The following PHF3 variants were observed in gnomAD, a reference collection of about 807,000 sequenced individuals.
PHF3 encodes PHD finger protein 3.
PHF3 carries 41 observed loss-of-function variants against 178.4 expected under a neutral mutation model. That is an observed-to-expected ratio of 0.23 (90% CI 0.18 to 0.30). PHF3 has a LOEUF of 0.30. Among genes scored for constraint, PHF3 ranks in the 10% least tolerant of loss-of-function variants. PHF3 has a pLI of 1.00. For missense variants in PHF3, 2,346 were observed against 2,398.1 expected (o/e 0.98, Z 0.45); for synonymous variants, 842 against 800.5 (o/e 1.05, Z -0.88).
intron 7 of PHF3, 37 bp from the exon 8 acceptor site, chr6:63,698,412 T>C: frequency 6.3e-7 from 1 of 1,586,216 alleles, no homozygotes. Flanking sequence ...TTATGCTTTA[T>C]ACATTTGAAA....
At chr6:63,649,878 A>G (rs1384239693) in intron 2 of PHF3, among the ~76,000 whole-genome samples, 1 of 152,204 alleles carries the variant, frequency 6.6e-6, no homozygotes, top group East Asian at 1.9e-4. Flanking sequence ...TAGTGAATAT[A>G]CTGTTTATAT....
intron 2 of PHF3, among the ~76,000 whole-genome samples, chr6:63,673,116 AT>A (rs1273815743): frequency 5.6e-4 from 82 of 145,728 alleles, no homozygotes; most frequent in Admixed American, 6.2e-4. Flanking sequence ...TATGCTTGGG[AT>A]TTTTTTTTTT....
intron 2 of PHF3, among the ~76,000 whole-genome samples, chr6:63,650,310 T>TA (rs1367867703): frequency 2.0e-5 from 3 of 151,718 alleles, no homozygotes; most frequent in East Asian, 1.9e-4. Context: ...TTCACTTAAT[T>TA]AAAAAAAAAT....
chr6:63,694,517 C>T (rs773588904), intron 5 of PHF3, 64 bp from the exon 6 acceptor site: 47 of 1,122,394 alleles, frequency 4.2e-5, no homozygotes, highest in Non-Finnish European at 5.1e-5. Flanking sequence ...TATTTTTGTA[C>T]GTCTTAAAAA....
chr6:63,667,747 A>G (rs548274271), intron 2 of PHF3, among the ~76,000 whole-genome samples: 1 of 152,306 alleles, frequency 6.6e-6, no homozygotes, highest in East Asian at 1.9e-4. Context: ...GGTAAGACCA[A>G]ATGTCTCTTA....
At chr6:63,700,859 G>A (rs566222522) in intron 9 of PHF3, among the ~76,000 whole-genome samples, 30 of 152,264 alleles carry the variant, frequency 2.0e-4, no homozygotes, top group Admixed American at 4.6e-4. Flanking sequence ...GGGGATTACA[G>A]GCATGAGCCA....
chr6:63,673,302 T>C (rs1766003851), intron 2 of PHF3, among the ~76,000 whole-genome samples: 1 of 152,106 alleles, frequency 6.6e-6, no homozygotes, highest in African/African-American at 2.4e-5. Context: ...TGTTTTTAAA[T>C]AAAATTTTCC....
At chr6:63,668,723 AT>A (rs989791340) in intron 2 of PHF3, among the ~76,000 whole-genome samples, 34 of 151,546 alleles carry the variant, frequency 2.2e-4, no homozygotes, top group African/African-American at 4.8e-4. Context: ...AGATGCTCAA[AT>A]TTTTTTTTAA....
intron 11 of PHF3, among the ~76,000 whole-genome samples, chr6:63,704,821 A>G (rs1483939619): frequency 2.0e-5 from 3 of 152,070 alleles, no homozygotes; most frequent in Admixed American, 6.6e-5. Context: ...CCTCCAAACT[A>G]TTTTTCACAG....
intron 2 of PHF3, among the ~76,000 whole-genome samples, chr6:63,649,397 T>C (rs1403967857): frequency 1.3e-5 from 2 of 152,190 alleles, no homozygotes; most frequent in Non-Finnish European, 2.9e-5. Flanking sequence ...GCTGTTTTCA[T>C]TGAAGCTAAG....
At position 63,713,467 on chromosome 6, in the gene PHF3, A is replaced by G. The variant is rs750299239; in HGVS notation, c.5879A>G (p.Lys1960Arg). ...DRSQDKDRDRKSREEGHKDKE... is the reference protein window; with the variant it reads ...DRSQDKDRDRRSREEGHKDKE... The stretch of plus-strand genomic sequence containing the variant: ...AGCCAAGACAAGGACAGAGACAGAA[A>G]AAGCAGGGAGGAAGGGCACAAAGAT... Residue 1960 changes from lysine (K) to arginine (R), a missense_variant, in exon 16 of 16, where the codon AAA becomes AGA. Physicochemically the swap from Lys to Arg is conservative, Grantham distance 26. Around this residue, in one of 8 missense-constraint regions of PHF3, gnomAD observed 839 missense variants for 806.9 expected, o/e 1.04. Transcript: ENST00000262043. 1 of 1,613,942 alleles carries G rather than the reference A, an allele frequency of 6.2e-7. No individual in the cohort carries two copies. The highest frequency in any genetic ancestry group is 2.2e-5 in the East Asian group (1 of 44,834).
intron 14 of PHF3, among the ~76,000 whole-genome samples, chr6:63,709,864 G>GA (rs1343421298): frequency 2.6e-5 from 4 of 152,128 alleles, no homozygotes; most frequent in Admixed American, 6.5e-5. Context: ...AAGATACTGC[G>GA]AAATGGCTCT....
At chr6:63,646,846 A>G (rs1197263622) in intron 2 of PHF3, 51 bp downstream of exon 2, 1 of 1,243,878 alleles carries the variant, frequency 8.0e-7, no homozygotes, top group African/African-American at 1.6e-5. Context: ...AATTTAAAAT[A>G]AAAAAATTTT....
intron 1 of PHF3, among the ~76,000 whole-genome samples, chr6:63,645,224 C>G (rs934592410): frequency 6.6e-6 from 1 of 152,036 alleles, no homozygotes; most frequent in Non-Finnish European, 1.5e-5. Context: ...TCATCCCAGC[C>G]CTTAGCTCAG....
At chr6:63,657,038 T>A (rs1765263774) in intron 2 of PHF3, among the ~76,000 whole-genome samples, 1 of 152,210 alleles carries the variant, frequency 6.6e-6, no homozygotes, top group African/African-American at 2.4e-5. Flanking sequence ...TTGGAGTGTG[T>A]TCTCTTCAAG....
chr6:63,679,642 C>T (rs2149577406), intron 2 of PHF3: 1 of 345,872 alleles, frequency 2.9e-6, no homozygotes, highest in East Asian at 7.4e-5. Flanking sequence ...GTATGGAACT[C>T]CTGTACTACC....
intron 10 of PHF3, among the ~76,000 whole-genome samples, chr6:63,702,933 A>G (rs139921099): frequency 0.012 from 1,815 of 152,256 alleles, 31 homozygotes; most frequent in African/African-American, 0.042. Flanking sequence ...GCTGGAGTGC[A>G]GTGGAGCAAT....
At chr6:63,658,560 T>G (rs1765332829) in intron 2 of PHF3, among the ~76,000 whole-genome samples, 3 of 152,232 alleles carry the variant, frequency 2.0e-5, no homozygotes, top group Non-Finnish European at 2.9e-5. Context: ...TACCTTGATG[T>G]TTATTTCTTT....
chr6:63,641,315 A>G (rs1208598034), intron 1 of PHF3, among the ~76,000 whole-genome samples: 1 of 152,152 alleles, frequency 6.6e-6, no homozygotes, highest in African/African-American at 2.4e-5. Context: ...ACTATCATAC[A>G]TAGACCAATC....
Sources: gnomAD v4.1 joint callset for allele counts (sites outside exome capture counted in the v4.1 genomes callset) on GRCh38, gnomAD v4.1.1 for gene constraint, gnomAD v4.1.1 regional missense constraint, MANE v1.5 for transcripts, NCBI Gene and HGNC (gene_info 2026-07-23, HGNC 2026-07-21) for gene names.